Variants in ZNF540 observed in about 807,000 individuals in gnomAD.
ZNF540 encodes the protein CTD-3064H18.6.
A neutral mutation model predicts 11.8 loss-of-function variants in ZNF540; 3 were observed. That is an observed-to-expected ratio of 0.25 (90% CI 0.12 to 0.65). The LOEUF is 0.65. ZNF540 is among the 30% of genes least tolerant of loss of function. The pLI is 0.83. For missense variants in ZNF540, 709 were observed against 793.1 expected (o/e 0.89, Z 1.27); for synonymous variants, 247 against 259.0 (o/e 0.95, Z 0.45).
At chr19:37,562,743 T>C (rs540844033) in intron 1 of ZNF540, 9 of 152,378 alleles carry the variant, frequency 5.9e-5, no homozygotes, top group African/African-American at 1.7e-4. Context: ...TATGTACTAA[T>C]GTATTACATT....
At chr19:37,595,546 G>A (rs1236166293) in intron 1 of ZNF540, 1 of 152,238 alleles carries the variant, frequency 6.6e-6, no homozygotes, top group Non-Finnish European at 1.5e-5. Flanking sequence ...GGCAGTGAAT[G>A]TGGGGAAAGA....
At chr19:37,560,492 C>A (rs1156375794) in intron 1 of ZNF540, 1 of 148,518 alleles carries the variant, frequency 6.7e-6, no homozygotes, top group Non-Finnish European at 1.5e-5. Context: ...CTGCCTCAGC[C>A]TCCCGAGTAG....
intron 1 of ZNF540, among the ~76,000 whole-genome samples, chr19:37,589,501 A>G (rs561754601): frequency 6.6e-6 from 1 of 152,240 alleles, no homozygotes; most frequent in African/African-American, 2.4e-5. Flanking sequence ...AAAAAAGTCA[A>G]CGGTCATTCA....
At chr19:37,576,743 T>C (rs548799302) in intron 1 of ZNF540, among the ~76,000 whole-genome samples, 1 of 152,290 alleles carries the variant, frequency 6.6e-6, no homozygotes, top group East Asian at 1.9e-4. Context: ...GAATACATGA[T>C]AGCAAAGACC....
Position 37,611,730 on chromosome 19 carries a change from A to G in ZNF540, c.450A>G (p.Ser150=), listed in dbSNP as rs371206405. The stretch of plus-strand genomic sequence containing the variant: ...AGAAAATCGTCTCTAAAAAAATGTC[A>G]ACTGATAGAAAACGTCCCTCTTTTA... ...SQKKIVSKKM[S]TDRKRPSFTL... is the part of the protein sequence containing the mutation. Residue 150 remains serine, a synonymous_variant, in exon 5 of 5, where the codon TCA becomes TCG. Transcript: ENST00000316433. The G allele has an allele frequency of 3.7e-6, 6 of 1,613,836 alleles. No individual in the cohort carries two copies. In the African/African-American group the frequency reaches 5.3e-5, roughly 14 times the overall value.
chr19:37,588,768 A>G (rs1461888893), intron 1 of ZNF540, among the ~76,000 whole-genome samples: 1 of 152,220 alleles, frequency 6.6e-6, no homozygotes, highest in Admixed American at 6.5e-5. Context: ...GAAAAGATTA[A>G]TGTAACTGAA....
At chr19:37,600,737 A>C (rs372725803) in intron 3 of ZNF540, among the ~76,000 whole-genome samples, 1 of 152,126 alleles carries the variant, frequency 6.6e-6, no homozygotes, top group African/African-American at 2.4e-5. Context: ...CTCAATAACT[A>C]CTGCCTCTCA....
At chr19:37,598,228 T>G in intron 1 of ZNF540, 148 bp from the exon 2 acceptor site, 1 of 563,962 alleles carries the variant, frequency 1.8e-6, no homozygotes, top group Non-Finnish European at 3.2e-6. Context: ...TCCCTTGCTG[T>G]GGTGAGTGTG....
chr19:37,591,819 C>T (rs1204933160), upstream of ZNF540, among the ~76,000 whole-genome samples: 1 of 152,012 alleles, frequency 6.6e-6, no homozygotes, highest in Non-Finnish European at 1.5e-5. Flanking sequence ...GTTGGGATTA[C>T]AGGCGTGAGC....
intron 1 of ZNF540, among the ~76,000 whole-genome samples, chr19:37,587,641 G>GAACTTA (rs1294372336): frequency 6.6e-6 from 1 of 150,534 alleles, no homozygotes; most frequent in East Asian, 2.0e-4. Flanking sequence ...TATAATCCAT[G>GAACTTA]AACTTAACAT....
intron 1 of ZNF540, among the ~76,000 whole-genome samples, chr19:37,572,860 A>G (rs550789130): frequency 4.4e-4 from 67 of 152,348 alleles, no homozygotes; most frequent in African/African-American, 1.5e-3. Context: ...CCACCAGCCT[A>G]TTTCCAACCC....
intron 1 of ZNF540, among the ~76,000 whole-genome samples, chr19:37,568,983 G>GT (rs2042965736): frequency 6.6e-6 from 1 of 151,424 alleles, no homozygotes; most frequent in South Asian, 2.1e-4. Flanking sequence ...TTGAGATGGA[G>GT]TCTCGCTCTG....
intron 1 of ZNF540, among the ~76,000 whole-genome samples, chr19:37,579,803 A>G (rs1043878549): frequency 6.6e-5 from 10 of 152,172 alleles, no homozygotes; most frequent in Non-Finnish European, 1.2e-4. Context: ...TCACCATACT[A>G]CTGACAGACC....
intron 1 of ZNF540, among the ~76,000 whole-genome samples, chr19:37,567,033 A>C (rs2042885552): frequency 6.6e-6 from 1 of 152,176 alleles, no homozygotes; most frequent in African/African-American, 2.4e-5. Flanking sequence ...AAAAGTGTCA[A>C]GCATATGCCT....
upstream of ZNF540, among the ~76,000 whole-genome samples, chr19:37,591,919 T>TC (rs1164290521): frequency 6.6e-6 from 1 of 152,118 alleles, no homozygotes; most frequent in African/African-American, 2.4e-5. Context: ...AACTAATGAA[T>TC]ACAGGAGGAA....
intron 1 of ZNF540, among the ~76,000 whole-genome samples, chr19:37,582,708 T>C (rs920198993): frequency 1.3e-5 from 2 of 152,198 alleles, no homozygotes; most frequent in African/African-American, 4.8e-5. Context: ...GATGCCTCTA[T>C]TGCCAATCTT....
At chr19:37,581,102 C>T (rs1387309346) in intron 1 of ZNF540, among the ~76,000 whole-genome samples, 2 of 152,144 alleles carry the variant, frequency 1.3e-5, no homozygotes, top group African/African-American at 2.4e-5. Flanking sequence ...CCAAAGAACA[C>T]TGAAGCCTTA....
At chr19:37,558,553 G>A (rs951959886) in intron 1 of ZNF540, among the ~76,000 whole-genome samples, 2 of 152,052 alleles carry the variant, frequency 1.3e-5, no homozygotes, top group African/African-American at 4.8e-5. Flanking sequence ...AGGAGATACC[G>A]GTGGAAATCA....
upstream of ZNF540, among the ~76,000 whole-genome samples, chr19:37,593,635 G>A (rs1281410680): frequency 6.6e-6 from 1 of 152,136 alleles, no homozygotes; most frequent in African/African-American, 2.4e-5. Flanking sequence ...CCCGGAAGGC[G>A]GAGCTTGCAG....
Sources: allele counts gnomAD v4.1 joint callset (sites outside exome capture counted in the v4.1 genomes callset), GRCh38; gene constraint gnomAD v4.1.1; transcripts MANE v1.5; gene names NCBI Gene and HGNC (gene_info 2026-07-23, HGNC 2026-07-21).